The following IBTK variants were observed in gnomAD, a reference collection of about 807,000 sequenced individuals.
IBTK encodes BTK-binding protein.
A neutral mutation model predicts 154.9 loss-of-function variants in IBTK; 83 were observed. The ratio of observed to expected loss-of-function variants is 0.54; its 90% CI spans 0.45 to 0.64. The LOEUF is 0.64. Among genes scored for constraint, IBTK ranks in the 30% least tolerant of loss-of-function variants. IBTK has a pLI of 0.00. For missense variants in IBTK, 1,332 were observed against 1,584.6 expected, an observed-to-expected ratio of 0.84 and a Z score of 2.71; for synonymous variants, 515 against 536.1, an observed-to-expected ratio of 0.96 and a Z score of 0.54.
chr6:82,193,733 G>A (rs1480230671), intron 23 of IBTK, among the ~76,000 whole-genome samples: 2 of 152,074 alleles, frequency 1.3e-5, no homozygotes, highest in Non-Finnish European at 2.9e-5. Flanking sequence ...CCAGGCTGGA[G>A]TGCAGTGGCG....
intron 26 of IBTK, among the ~76,000 whole-genome samples, chr6:82,180,969 G>C (rs1466735211): frequency 6.6e-6 from 1 of 152,204 alleles, no homozygotes; most frequent in Non-Finnish European, 1.5e-5. Context: ...CCATGCTGGA[G>C]TGCAGTGGTT....
At chr6:82,178,691 A>G (rs1199934696) in intron 26 of IBTK, among the ~76,000 whole-genome samples, 1 of 152,244 alleles carries the variant, frequency 6.6e-6, no homozygotes, top group African/African-American at 2.4e-5. Context: ...TTAAAGAATC[A>G]CACTAATAAA....
chr6:82,204,225 C>T (rs1769315830), intron 17 of IBTK, among the ~76,000 whole-genome samples: 1 of 152,082 alleles, frequency 6.6e-6, no homozygotes, highest in African/African-American at 2.4e-5. Flanking sequence ...ACCTCAACTG[C>T]ATAGTAACAG....
chr6:82,192,780 G>T (rs552815195), intron 23 of IBTK, among the ~76,000 whole-genome samples: 1 of 146,164 alleles, frequency 6.8e-6, no homozygotes, highest in African/African-American at 2.5e-5. Context: ...GATGATTTTC[G>T]ACCTAAATGA....
chr6:82,172,359 C>G, intron 28 of IBTK, 21 bp downstream of exon 28: 1 of 1,597,306 alleles, frequency 6.3e-7, no homozygotes, highest in Non-Finnish European at 8.5e-7. Flanking sequence ...TAAATTAAAC[C>G]CTACTAAGTA....
rs1187609941 is a variant in IBTK, at chr6:82,170,521, C to G, written c.*904G>C. 2.6e-5 allele frequency: 4 copies of G among 152,136 alleles called. No individual in the cohort carries two copies. The highest frequency in any genetic ancestry group is 9.7e-5 in the African/African-American group (4 of 41,428). The allele number at this position is 152,136 out of a possible 1,614,324, so 9.4% of individuals were successfully genotyped here. On this transcript the variant is annotated 3_prime_UTR_variant, in exon 29 of 29. Transcript: ENST00000306270. ...CCTATACAGAAAACAATTTTTATGT[C>G]TAGATATACAATTGAGGTTCAGAGA...
At chr6:82,191,715 T>C (rs369609559) in intron 24 of IBTK, 72 bp downstream of exon 24, 6 of 908,706 alleles carry the variant, frequency 6.6e-6, no homozygotes, top group African/African-American at 3.5e-5. Context: ...ATAAGAAAGA[T>C]GCAGTAAGTC....
intron 12 of IBTK, 56 bp from the exon 13 acceptor site, chr6:82,212,849 C>A (rs1769704223): frequency 6.8e-6 from 7 of 1,033,726 alleles, no homozygotes; most frequent in Non-Finnish European, 1.1e-5. Context: ...AATAAACATA[C>A]AACAAAAAAT....
intron 11 of IBTK, among the ~76,000 whole-genome samples, chr6:82,215,780 CAAAAAAAAA>C (rs59634766): frequency 1.2e-5 from 1 of 82,130 alleles, no homozygotes; most frequent in African/African-American, 5.0e-5. Flanking sequence ...GACTCCATCT[CAAAAAAAAA>C]AAAAAAAAAA....
chr6:82,224,436 A>C (rs1168902520), intron 6 of IBTK, among the ~76,000 whole-genome samples: 1 of 152,232 alleles, frequency 6.6e-6, no homozygotes, highest in Admixed American at 6.5e-5. Context: ...ATGGTGTAAG[A>C]ATCAAATTAT....
intron 20 of IBTK, 123 bp downstream of exon 20, chr6:82,200,464 C>G (rs9986528): frequency 2.1e-5 from 20 of 962,930 alleles, no homozygotes; most frequent in Non-Finnish European, 2.8e-5. Context: ...GTCAGAATTT[C>G]TCAATTTCAT....
intron 21 of IBTK, among the ~76,000 whole-genome samples, chr6:82,197,504 G>C (rs762384287): frequency 6.6e-6 from 1 of 151,698 alleles, no homozygotes; most frequent in African/African-American, 2.4e-5. Context: ...CAAGTAGCTA[G>C]GATTACAGGC....
At chr6:82,173,504 T>C in intron 26 of IBTK, 66 bp from the exon 27 acceptor site, 1 of 1,328,768 alleles carries the variant, frequency 7.5e-7, no homozygotes. Flanking sequence ...TGCTTATTAA[T>C]AGATACAGAG....
intron 26 of IBTK, among the ~76,000 whole-genome samples, chr6:82,176,468 C>T (rs187479083): frequency 1.6e-4 from 23 of 140,092 alleles, no homozygotes; most frequent in Admixed American, 1.2e-3. Context: ...TTGCAGTGAG[C>T]GGAGATCACG....
intron 22 of IBTK, 117 bp downstream of exon 22, chr6:82,196,181 T>C (rs1768978694): frequency 8.4e-6 from 7 of 834,418 alleles, no homozygotes; most frequent in Non-Finnish European, 8.9e-6. Context: ...TTTGTGATTC[T>C]TATATACCAA....
At chr6:82,199,435 T>C (rs922981314) in intron 21 of IBTK, among the ~76,000 whole-genome samples, 6 of 152,170 alleles carry the variant, frequency 3.9e-5, no homozygotes, top group African/African-American at 1.4e-4. Flanking sequence ...TGGGGAAAAA[T>C]ATTTTAGAAA....
chr6:82,219,341 A>G (rs755790231), intron 9 of IBTK, among the ~76,000 whole-genome samples: 3 of 152,180 alleles, frequency 2.0e-5, no homozygotes, highest in Non-Finnish European at 4.4e-5. Context: ...ATATATGCCT[A>G]TAATGACCCA....
At chr6:82,184,564 A>C (rs1486323882) in intron 25 of IBTK, among the ~76,000 whole-genome samples, 1 of 152,200 alleles carries the variant, frequency 6.6e-6, no homozygotes, top group Admixed American at 6.5e-5. Context: ...CATTAAATTT[A>C]AAATTTGCCT....
Position 82,202,560 on chromosome 6 carries a change from T to C in IBTK, c.2697A>G (p.Ile899Met). The change falls in exon 18 of 29, where the codon ATA (isoleucine) becomes ATG (methionine). Residue 899 changes from isoleucine (I) to methionine (M), a missense_variant. By Grantham distance (10) the Ile-to-Met change is conservative. Transcript: ENST00000306270. The stretch of plus-strand genomic sequence containing the variant: ...CAAGTAAAGCTGCCATATTCAATCC[T>C]ATAAACTGTAAACAAGACAGTTTCA... ...KQLKLSCLQFIGLNMAALLEA... is the reference protein window; with the variant it reads ...KQLKLSCLQFMGLNMAALLEA... 1 of 1,609,592 alleles carries C rather than the reference T, an allele frequency of 6.2e-7. No homozygotes were observed. Among genetic ancestry groups the C allele is most frequent in the South Asian group, 1.1e-5 (1 of 90,462 alleles).
Sources: allele counts gnomAD v4.1 joint callset (sites outside exome capture counted in the v4.1 genomes callset), GRCh38; gene constraint gnomAD v4.1.1; transcripts MANE v1.5; gene names NCBI Gene and HGNC (gene_info 2026-07-23, HGNC 2026-07-21).